Variants in MGAT5 observed in about 807,000 individuals in gnomAD.
MGAT5 encodes the protein alpha-1,6-mannosylglycoprotein 6-beta-N-acetylglucosaminyltransferase.
A neutral mutation model predicts 94.3 loss-of-function variants in MGAT5; 30 were observed. That is an observed-to-expected ratio of 0.32 (90% CI 0.24 to 0.43). The LOEUF (loss-of-function observed/expected upper bound fraction) is 0.43, where lower values mean the gene tolerates loss of function less well. MGAT5 is among the 20% of genes least tolerant of loss of function. MGAT5 has a pLI of 1.00. For synonymous variants in MGAT5, 310 were observed against 322.9 expected, an observed-to-expected ratio of 0.96 and a Z score of 0.43; for missense variants, 691 against 905.5, an observed-to-expected ratio of 0.76 and a Z score of 3.04.
At chr2:134,373,978 G>A (rs533387086) in intron 10 of MGAT5, among the ~76,000 whole-genome samples, 36 of 152,340 alleles carry the variant, frequency 2.4e-4, no homozygotes, top group African/African-American at 6.7e-4. Flanking sequence ...CTTGGAATGA[G>A]TTCTCTATGG....
chr2:134,184,562 C>T (rs1226851095), intron 1 of MGAT5, among the ~76,000 whole-genome samples: 1 of 152,190 alleles, frequency 6.6e-6, no homozygotes, highest in Non-Finnish European at 1.5e-5. Flanking sequence ...GATGTTTCTT[C>T]TGTGTTCTTG....
intron 1 of MGAT5, among the ~76,000 whole-genome samples, chr2:134,206,544 G>T (rs1280889536): frequency 6.6e-6 from 1 of 152,176 alleles, no homozygotes; most frequent in African/African-American, 2.4e-5. Context: ...CGGCTCTGTA[G>T]TAGGCTAACA....
At chr2:134,240,483 T>C (rs1039661041) in intron 1 of MGAT5, among the ~76,000 whole-genome samples, 3 of 152,116 alleles carry the variant, frequency 2.0e-5, no homozygotes, top group African/African-American at 7.2e-5. Context: ...AGCTTGGATA[T>C]GGTGGTTAGT....
intron 1 of MGAT5, among the ~76,000 whole-genome samples, chr2:134,241,776 G>A (rs1368005207): frequency 6.6e-6 from 1 of 152,150 alleles, no homozygotes; most frequent in Non-Finnish European, 1.5e-5. Context: ...GTATGAGTGA[G>A]AGAGATCATA....
chr2:134,244,369 T>C (rs1559007575), intron 1 of MGAT5, among the ~76,000 whole-genome samples: 1 of 152,128 alleles, frequency 6.6e-6, no homozygotes, highest in Non-Finnish European at 1.5e-5. Flanking sequence ...AAAGCCTTCT[T>C]CCCTGTGCTC....
chr2:134,387,309 TATATATATATATATATATATATA>T (rs1558847342), intron 10 of MGAT5, among the ~76,000 whole-genome samples: 1 of 22,416 alleles, frequency 4.5e-5, no homozygotes, highest in Non-Finnish European at 9.0e-5. Context: ...ATGATATATA[TATATATATATATATATATATATA>T]TTTTTTTTTT....
At chr2:134,272,953 G>A (rs1482583109) in intron 2 of MGAT5, among the ~76,000 whole-genome samples, 1 of 152,220 alleles carries the variant, frequency 6.6e-6, no homozygotes, top group African/African-American at 2.4e-5. Context: ...CTCTGTCTCA[G>A]TGTCTGCTCT....
intron 1 of MGAT5, among the ~76,000 whole-genome samples, chr2:134,209,143 T>TTTTTTTTTTTTTTG: frequency 3.5e-5 from 1 of 28,944 alleles, no homozygotes; most frequent in Non-Finnish European, 5.4e-5. Flanking sequence ...ACTGGCTTAT[T>TTTTTTTTTTTTTTG]TTTTTTTTAT....
intron 14 of MGAT5, among the ~76,000 whole-genome samples, chr2:134,432,785 A>C (rs1684955013): frequency 1.3e-5 from 2 of 152,244 alleles, no homozygotes; most frequent in Admixed American, 1.3e-4. Context: ...CAACCTACCC[A>C]TCAGGCTGGT....
chr2:134,120,045 C>T (rs1384294498), upstream of MGAT5: 2 of 152,748 alleles, frequency 1.3e-5, no homozygotes, highest in African/African-American at 2.4e-5. Flanking sequence ...ACAGGAGCGC[C>T]TCTGCTGCGT....
At chr2:134,413,876 A>G (rs529509415) in intron 12 of MGAT5, among the ~76,000 whole-genome samples, 1 of 152,306 alleles carries the variant, frequency 6.6e-6, no homozygotes, top group South Asian at 2.1e-4. Context: ...TATAAAACAT[A>G]TATTTTTCAG....
At chr2:134,424,243 G>A (rs559173096) in intron 13 of MGAT5, among the ~76,000 whole-genome samples, 30 of 152,272 alleles carry the variant, frequency 2.0e-4, no homozygotes, top group African/African-American at 7.2e-4. Flanking sequence ...CCCATGTGGA[G>A]GCCATCTTAC....
intron 10 of MGAT5, among the ~76,000 whole-genome samples, chr2:134,371,383 A>AAGGGTGGG: frequency 6.6e-6 from 1 of 152,312 alleles, no homozygotes; most frequent in South Asian, 2.1e-4. Context: ...TTTGGGGCAT[A>AAGGGTGGG]AGGGTGGGAG....
intron 1 of MGAT5, among the ~76,000 whole-genome samples, chr2:134,238,400 G>A (rs972756498): frequency 6.6e-6 from 1 of 152,166 alleles, no homozygotes; most frequent in Non-Finnish European, 1.5e-5. Context: ...CATAAAGTTA[G>A]GTGGAAACAT....
chr2:134,179,842 A>G (rs1688652728), intron 1 of MGAT5, among the ~76,000 whole-genome samples: 1 of 152,208 alleles, frequency 6.6e-6, no homozygotes, highest in Non-Finnish European at 1.5e-5. Flanking sequence ...AGGATGAGGT[A>G]GGAGGTTGGC....
intron 2 of MGAT5, among the ~76,000 whole-genome samples, chr2:134,300,356 G>A (rs1685941432): frequency 6.6e-6 from 1 of 152,130 alleles, no homozygotes; most frequent in Non-Finnish European, 1.5e-5. Context: ...GACAGGATTA[G>A]GAATGAAATC....
At chr2:134,145,038 C>G (rs1057203457) in intron 1 of MGAT5, among the ~76,000 whole-genome samples, 1 of 152,248 alleles carries the variant, frequency 6.6e-6, no homozygotes, top group African/African-American at 2.4e-5. Flanking sequence ...GAACTTGAAT[C>G]CTCACCAATG....
At chr2:134,133,866 T>G (rs1030935868) in intron 1 of MGAT5, among the ~76,000 whole-genome samples, 1 of 152,166 alleles carries the variant, frequency 6.6e-6, no homozygotes, top group Non-Finnish European at 1.5e-5. Context: ...CGTTCCTCTG[T>G]GGGGGTCTTC....
chr2:134,253,825 C>A (rs1006025432), upstream of MGAT5, among the ~76,000 whole-genome samples: 1 of 152,186 alleles, frequency 6.6e-6, no homozygotes, highest in Non-Finnish European at 1.5e-5. Flanking sequence ...TCTTGCTCAC[C>A]TCACCAGTTG....
Sources: allele counts gnomAD v4.1 joint callset (sites outside exome capture counted in the v4.1 genomes callset), GRCh38; gene constraint gnomAD v4.1.1; transcripts MANE v1.5; gene names NCBI Gene and HGNC (gene_info 2026-07-23, HGNC 2026-07-21).